Variants in ZNF846 observed in about 807,000 individuals in gnomAD.
ZNF846 encodes the protein zinc finger protein 420 pseudogene.
Under a neutral mutation model 16.0 loss-of-function variants are expected in ZNF846, and 15 were observed. The observed-to-expected ratio is 0.94, with a 90% CI of 0.63 to 1.45. The LOEUF is 1.45. Ranked by LOEUF, ZNF846 falls within the 40% of genes most tolerant of loss-of-function variation. The probability of loss-of-function intolerance (pLI) is 0.00; values close to 1 mark genes in which losing one functional copy is unlikely to be tolerated. For synonymous variants in ZNF846, 229 were observed against 212.0 expected (o/e 1.08, Z -0.70); for missense variants, 714 against 622.3 (o/e 1.15, Z -1.57).
chr19:9,760,291 C>CAAA (rs111372265), intron 4 of ZNF846, among the ~76,000 whole-genome samples: 1 of 140,640 alleles, frequency 7.1e-6, no homozygotes, highest in African/African-American at 2.7e-5. Flanking sequence ...GACTTCGTCT[C>CAAA]AAAAAAAAAA....
intron 1 of ZNF846, among the ~76,000 whole-genome samples, chr19:9,779,242 G>C (rs2045476815): frequency 6.6e-6 from 1 of 152,058 alleles, no homozygotes; most frequent in South Asian, 2.1e-4. Context: ...GTTACTTCCA[G>C]AAGTTAGAAT....
chr19:9,756,585 G>A (rs1254522553), downstream of ZNF846: 1 of 151,104 alleles, frequency 6.6e-6, no homozygotes, highest in African/African-American at 2.5e-5. Context: ...ATCTGAAACT[G>A]TCAGAAATTT....
chr19:9,769,854 G>A (rs1373893035), upstream of ZNF846, among the ~76,000 whole-genome samples: 2 of 151,844 alleles, frequency 1.3e-5, no homozygotes, highest in East Asian at 1.9e-4. Context: ...GGTGGTGGGC[G>A]CCTGTAATCC....
At chr19:9,762,326 T>C in intron 3 of ZNF846, 158 bp from the exon 4 acceptor site, 1 of 603,034 alleles carries the variant, frequency 1.7e-6, no homozygotes, top group East Asian at 2.8e-5. Flanking sequence ...ATACATGCAC[T>C]AAAACTATTT....
intron 1 of ZNF846, among the ~76,000 whole-genome samples, chr19:9,784,492 T>A (rs1037251138): frequency 6.6e-6 from 1 of 152,222 alleles, no homozygotes; most frequent in Non-Finnish European, 1.5e-5. Context: ...GTAAATAGAA[T>A]GTGCAATCGG....
At chr19:9,757,150 A>T (rs747058873), downstream of ZNF846, among the ~76,000 whole-genome samples, 1 of 151,294 alleles carries the variant, frequency 6.6e-6, no homozygotes, top group Non-Finnish European at 1.5e-5. Context: ...GGCCAAGGTC[A>T]TGCCACTGTA....
At chr19:9,784,492 TG>T (rs1457788795) in intron 1 of ZNF846, among the ~76,000 whole-genome samples, 2 of 152,222 alleles carry the variant, frequency 1.3e-5, no homozygotes, top group African/African-American at 2.4e-5. Flanking sequence ...GTAAATAGAA[TG>T]TGCAATCGGG....
At chr19:9,751,367 C>A (rs963918254), downstream of ZNF846, among the ~76,000 whole-genome samples, 8 of 152,116 alleles carry the variant, frequency 5.3e-5, no homozygotes, top group African/African-American at 1.9e-4. Context: ...CAAGTTTTCA[C>A]TATTCTTATT....
chr19:9,764,395 A>T (rs1292904065), intron 2 of ZNF846, among the ~76,000 whole-genome samples: 1 of 152,196 alleles, frequency 6.6e-6, no homozygotes, highest in Non-Finnish European at 1.5e-5. Context: ...GAAATTACTG[A>T]CACACACACT....
At chr19:9,749,377 C>T (rs188770047), downstream of ZNF846, among the ~76,000 whole-genome samples, 16 of 152,154 alleles carry the variant, frequency 1.1e-4, no homozygotes, top group South Asian at 1.0e-3. Context: ...CTCGTAAATG[C>T]CCTGCCCTTG....
Position 9,758,787 on chromosome 19 carries a change from TA to T in ZNF846, c.313-24del. 4 of 1,509,118 alleles carry T rather than the reference TA, an allele frequency of 2.7e-6. No homozygotes were observed. The South Asian group carries it at 5.3e-5, about 20-fold the overall frequency. The allele number at this position is 1,509,118 out of a possible 1,614,324, so 93.5% of individuals were successfully genotyped here. A position where few individuals can be genotyped will look rare whatever the true frequency, so the allele number is the denominator to read the frequency against. ...CTCCTGTTGAGATATAAAAGATGAA[TA>T]AAGAATTTCTCACATTCAGTATGGT... On this transcript the variant is annotated intron_variant, in intron 5 of 5. Transcript: ENST00000397902.
chr19:9,782,216 AC>A (rs974890896), intron 1 of ZNF846, among the ~76,000 whole-genome samples: 1 of 152,156 alleles, frequency 6.6e-6, no homozygotes, highest in Non-Finnish European at 1.5e-5. Context: ...ACTAGTTTTT[AC>A]CACAAAATGT....
chr19:9,750,585 T>C (rs1473140275), downstream of ZNF846, among the ~76,000 whole-genome samples: 4 of 152,150 alleles, frequency 2.6e-5, no homozygotes, highest in African/African-American at 9.7e-5. Context: ...CTAGTCTTCC[T>C]TACCCCCAAA....
downstream of ZNF846, among the ~76,000 whole-genome samples, chr19:9,754,280 G>T (rs745665867): frequency 5.3e-5 from 8 of 151,224 alleles, no homozygotes; most frequent in Non-Finnish European, 8.8e-5. Context: ...TAAAGCGAAG[G>T]ATGGCCAGGC....
chr19:9,774,971 G>A (rs1393169900), intron 1 of ZNF846: 8 of 1,607,856 alleles, frequency 5.0e-6, no homozygotes, highest in African/African-American at 1.3e-5. Flanking sequence ...AATCTGCCAC[G>A]ATTGGTTCCA....
chr19:9,754,589 C>CAAAAAAAAAAAAAAAAAAAAAA (rs1203086590), downstream of ZNF846, among the ~76,000 whole-genome samples: 2 of 104,020 alleles, frequency 1.9e-5, no homozygotes, highest in African/African-American at 8.9e-5. Context: ...AAAAAAAAAG[C>CAAAAAAAAAAAAAAAAAAAAAA]AAAGGGCAAC....
chr19:9,757,117 C>T (rs886926067), downstream of ZNF846, among the ~76,000 whole-genome samples: 1 of 151,338 alleles, frequency 6.6e-6, no homozygotes, highest in Non-Finnish European at 1.5e-5. Flanking sequence ...ATTCCTTGAA[C>T]CCAGGAGGCA....
At chr19:9,773,408 C>T (rs932179959), upstream of ZNF846, among the ~76,000 whole-genome samples, 10 of 152,056 alleles carry the variant, frequency 6.6e-5, no homozygotes, top group Admixed American at 3.9e-4. Flanking sequence ...GTACCTATAG[C>T]TGAGTGTGTG....
exon 5 of ZNF846, chr19:9,759,937 C>T: frequency 6.2e-7 from 1 of 1,611,912 alleles, no homozygotes; most frequent in Non-Finnish European, 8.5e-7. Flanking sequence ...AGTTGCAAAT[C>T]CAATTCTGAA....
Sources: gnomAD v4.1 joint callset for allele counts (sites outside exome capture counted in the v4.1 genomes callset) on GRCh38, gnomAD v4.1.1 for gene constraint, MANE v1.5 for transcripts, NCBI Gene and HGNC (gene_info 2026-07-23, HGNC 2026-07-21) for gene names.